Variants in ABL2 observed in about 807,000 individuals in gnomAD.
ABL2 encodes the protein tyrosine-protein kinase ABL2.
Under a neutral mutation model 107.7 loss-of-function variants are expected in ABL2, and 49 were observed. The ratio of observed to expected loss-of-function variants is 0.45; its 90% CI spans 0.36 to 0.58. The LOEUF (loss-of-function observed/expected upper bound fraction) is 0.58, where lower values mean the gene tolerates loss of function less well. Ranked by LOEUF, ABL2 falls within the 20% of genes least tolerant of loss-of-function variation. The pLI, the probability that ABL2 is intolerant of heterozygous loss-of-function variation, is 0.00. For missense variants in ABL2, 1,245 were observed against 1,457.0 expected (o/e 0.85, Z 2.37); for synonymous variants, 549 against 548.6 (o/e 1.00, Z -0.01).
In ABL2 at chr1:179,108,071, T is replaced by G; in HGVS notation, c.3196A>C (p.Lys1066Gln). 5 of 1,614,238 alleles carry G rather than the reference T, an allele frequency of 3.1e-6. No homozygotes were observed. Among genetic ancestry groups the G allele is most frequent in the Non-Finnish European group, 4.2e-6 (5 of 1,180,044 alleles). The change falls in exon 12 of 12, where the codon AAA becomes CAA. Residue 1066 changes from lysine to glutamine, a missense_variant. Physicochemically the swap from Lys to Gln is moderately conservative, Grantham distance 53. This residue lies in a region of ABL2 where 761 missense variants were observed against 766.4 expected (regional missense o/e 0.99). Transcript: ENST00000502732. ...AKMANGTAGT[K>Q]VALRKTKQAA... ...TGTTTGGTTTTTCTCAGAGCCACTT[T>G]AGTACCTGCTGTGCCATTGGCCATT... is the stretch of plus-strand genomic sequence containing the variant.
chr1:179,099,463 A>C lies in ABL2; in HGVS notation c.*8255T>G. 4.5e-6 allele frequency: 1 copy of C among 220,644 alleles called. No individual in the cohort carries two copies. The highest frequency in any genetic ancestry group is 9.1e-6 in the Non-Finnish European group (1 of 110,182). The allele number at this position is 220,644 out of a possible 1,614,324, so 13.7% of individuals were successfully genotyped here. A position where few individuals can be genotyped will look rare whatever the true frequency, so the allele number is the denominator to read the frequency against. ...AAGTTTAACACTGTTAGCAGTTCAC[A>C]GTCAGACAACAGACGGAGAGAATTA... On this transcript the variant is annotated 3_prime_UTR_variant, in exon 12 of 12. Transcript: ENST00000502732.
chr1:179,204,466 C>T (rs1182270455), intron 1 of ABL2, among the ~76,000 whole-genome samples: 10 of 152,018 alleles, frequency 6.6e-5, no homozygotes, highest in Admixed American at 4.6e-4. Flanking sequence ...CTAAGATGAG[C>T]TGGGTCTGGT....
Position 179,106,620 on chromosome 1 carries a change from A to G in ABL2, c.*1098T>C, listed in dbSNP as rs1490311. On this transcript the variant is annotated 3_prime_UTR_variant, in exon 12 of 12. Coordinates refer to ENST00000502732, the MANE Select transcript of ABL2 (RefSeq NM_007314.4). Reference sequence around the variant, plus strand: ...GGATTGGGCTTAAGGTGGTAAGGGAAGGGAAAGGTACAGAGAAACAGCCAT... The same window carrying G: ...GGATTGGGCTTAAGGTGGTAAGGGAGGGGAAAGGTACAGAGAAACAGCCAT... The G allele has an allele frequency of 0.87, 202,301 of 232,308 alleles. 88,237 individuals carry two copies. Among genetic ancestry groups the G allele is most frequent in the East Asian group, 0.98 (16,054 of 16,456 alleles). 14.4% of individuals were successfully genotyped at this position (232,308 alleles called of 1,614,324 possible).
At chr1:179,203,351 A>G (rs1661776683) in intron 1 of ABL2, among the ~76,000 whole-genome samples, 1 of 152,232 alleles carries the variant, frequency 6.6e-6, no homozygotes, top group Non-Finnish European at 1.5e-5. Flanking sequence ...TAAATAAAAT[A>G]CAACTAAGTA....
chr1:179,115,380 T>C (rs1654526103), intron 8 of ABL2, among the ~76,000 whole-genome samples: 1 of 152,210 alleles, frequency 6.6e-6, no homozygotes, highest in Non-Finnish European at 1.5e-5. Context: ...CCCTTATCCA[T>C]GGTTTCACTT....
chr1:179,125,144 C>T (rs920363288), intron 4 of ABL2, among the ~76,000 whole-genome samples: 1 of 152,164 alleles, frequency 6.6e-6, no homozygotes, highest in African/African-American at 2.4e-5. Context: ...TGTGTCAGAA[C>T]TGTGAACTAC....
intron 4 of ABL2, among the ~76,000 whole-genome samples, chr1:179,122,276 T>TAAA (rs34338293): frequency 1.6e-5 from 2 of 126,760 alleles, no homozygotes; most frequent in Admixed American, 8.1e-5. Context: ...AGGCTATCTT[T>TAAA]AAAAAAAAAA....
chr1:179,153,283 AAACTC>A (rs1390941919), intron 1 of ABL2, among the ~76,000 whole-genome samples: 1 of 152,104 alleles, frequency 6.6e-6, no homozygotes, highest in Non-Finnish European at 1.5e-5. Flanking sequence ...TTTCAGTTAT[AAACTC>A]TAGGCTATTG....
chr1:179,189,431 G>A (rs1268618333), intron 1 of ABL2, among the ~76,000 whole-genome samples: 1 of 152,148 alleles, frequency 6.6e-6, no homozygotes, highest in Non-Finnish European at 1.5e-5. Flanking sequence ...ACCGCGCCCT[G>A]CCCTGTTCTA....
chr1:179,137,014 T>C (rs922150987), intron 1 of ABL2, among the ~76,000 whole-genome samples: 2 of 151,944 alleles, frequency 1.3e-5, no homozygotes, highest in Non-Finnish European at 2.9e-5. Flanking sequence ...CAGAGTTTCA[T>C]ATTCCCTTCT....
intron 1 of ABL2, among the ~76,000 whole-genome samples, chr1:179,176,471 A>C (rs946648225): frequency 6.6e-6 from 1 of 151,432 alleles, no homozygotes. Flanking sequence ...ATAAATATAT[A>C]CACTATGTAC....
chr1:179,162,967 G>T (rs1293591392), intron 1 of ABL2, among the ~76,000 whole-genome samples: 1 of 152,096 alleles, frequency 6.6e-6, no homozygotes, highest in Non-Finnish European at 1.5e-5. Flanking sequence ...GGGTGTGGTG[G>T]AAAGGAAAGA....
chr1:179,176,328 TA>T (rs1371733469), intron 1 of ABL2, among the ~76,000 whole-genome samples: 1 of 152,132 alleles, frequency 6.6e-6, no homozygotes, highest in East Asian at 1.9e-4. Flanking sequence ...TTGAAATAAC[TA>T]AAAGAGTATA....
intron 1 of ABL2, among the ~76,000 whole-genome samples, chr1:179,165,235 A>G (rs927274373): frequency 7.9e-5 from 12 of 152,218 alleles, no homozygotes; most frequent in East Asian, 1.9e-4. Flanking sequence ...TGTGCCAACT[A>G]CTGTAACAGG....
chr1:179,200,853 G>C (rs1431808391), intron 1 of ABL2, among the ~76,000 whole-genome samples: 2 of 152,216 alleles, frequency 1.3e-5, no homozygotes, highest in Non-Finnish European at 2.9e-5. Context: ...CCAGGCGCAA[G>C]TGTCCAAGTC....
rs1298927151 is a variant in ABL2, at chr1:179,104,400, T to C, written c.*3318A>G. 1 of 220,732 alleles carries C rather than the reference T, an allele frequency of 4.5e-6. No homozygotes were observed. The highest frequency in any genetic ancestry group is 2.2e-5 in the African/African-American group (1 of 44,720). 13.7% of individuals were successfully genotyped at this position (220,732 alleles called of 1,614,324 possible). On this transcript the variant is annotated 3_prime_UTR_variant, in exon 12 of 12. Coordinates refer to ENST00000502732, the MANE Select transcript of ABL2 (RefSeq NM_007314.4). ...GGGCAGTGCCTTAGCAAAGTCAGCA[T>C]GCTTTATTACCTGGGACATATTTTA...
At chr1:179,110,995 T>C in intron 10 of ABL2, 1 of 1,151,352 alleles carries the variant, frequency 8.7e-7, no homozygotes, top group Non-Finnish European at 1.2e-6. Flanking sequence ...TTTTTTTTTT[T>C]TTTTTGCAGA....
In ABL2 at chr1:179,118,572, G is replaced by T. The variant is rs748533513; in HGVS notation, c.1223+15C>A. 6.2e-6 allele frequency: 10 copies of T among 1,602,750 alleles called. No homozygotes were observed. The East Asian group carries it at 1.3e-4, about 22-fold the overall frequency. The stretch of plus-strand genomic sequence containing the variant: ...AAGATGGCTTCATGGTTGGTCAGAG[G>T]TAAGTTTTACACACCTATGGATGAA... On this transcript the variant is annotated intron_variant, in intron 7 of 11. Transcript: ENST00000502732.
At chr1:179,175,847 C>CTT (rs777854254) in intron 1 of ABL2, among the ~76,000 whole-genome samples, 28,108 of 132,074 alleles carry the variant, frequency 0.21, 3,929 homozygotes, top group East Asian at 0.36. Flanking sequence ...ACACATTCTT[C>CTT]TTTTTTTTTT....
Sources: allele counts gnomAD v4.1 joint callset (sites outside exome capture counted in the v4.1 genomes callset), GRCh38; gene constraint gnomAD v4.1.1; regional missense constraint gnomAD v4.1.1; transcripts MANE v1.5; gene names NCBI Gene and HGNC (gene_info 2026-07-23, HGNC 2026-07-21).